KIF1B: variants seen among roughly 807,000 people sequenced by gnomAD.
KIF1B encodes the protein kinesin family member 1B, also known as kinesin-like protein KIF1B.
A neutral mutation model predicts 241.9 loss-of-function variants in KIF1B; 76 were observed. The ratio of observed to expected loss-of-function variants is 0.31; its 90% CI spans 0.26 to 0.38. The LOEUF (loss-of-function observed/expected upper bound fraction) is 0.38, where lower values mean the gene tolerates loss of function less well. KIF1B is among the 10% of genes least tolerant of loss of function. KIF1B has a pLI of 1.00. For missense variants in KIF1B, 1,622 were observed against 2,271.4 expected (o/e 0.71, Z 5.81); for synonymous variants, 750 against 796.7 (o/e 0.94, Z 0.99).
intron 1 of KIF1B, among the ~76,000 whole-genome samples, chr1:10,226,572 A>G (rs1161086176): frequency 6.6e-6 from 1 of 152,200 alleles, no homozygotes; most frequent in African/African-American, 2.4e-5. Flanking sequence ...AACAGTATTC[A>G]ACAACTATCA....
At position 10,376,874 on chromosome 1, in the gene KIF1B, GACAAAAAC is replaced by G. The variant is rs1234497208; in HGVS notation, c.*296_*303del. The G allele has an allele frequency of 2.4e-5, 10 of 420,170 alleles. No homozygotes were observed. In the East Asian group the frequency reaches 4.0e-4, roughly 17 times the overall value. 26.0% of individuals were successfully genotyped at this position (420,170 alleles called of 1,614,324 possible). A position where few individuals can be genotyped will look rare whatever the true frequency, so the allele number is the denominator to read the frequency against. ...ACACACACACACACACACATACACA[GACAAAAAC>G]ACAAAAACTCTGAGGGGATCTGGTG... is the stretch of plus-strand genomic sequence containing the variant. On this transcript the variant is annotated 3_prime_UTR_variant, in exon 49 of 49. Transcript: ENST00000676179.
At chr1:10,341,805 C>T (rs1346678876) in intron 32 of KIF1B, among the ~76,000 whole-genome samples, 1 of 151,964 alleles carries the variant, frequency 6.6e-6, no homozygotes. Flanking sequence ...ACTGTCTCTA[C>T]AAAAAATTGT....
intron 2 of KIF1B, among the ~76,000 whole-genome samples, chr1:10,247,329 A>G (rs1017605398): frequency 1.3e-5 from 2 of 152,216 alleles, no homozygotes; most frequent in African/African-American, 2.4e-5. Context: ...TCCTGCTCAG[A>G]TATCTCCTCA....
chr1:10,360,993 G>A lies in KIF1B; in HGVS notation c.4120G>A (p.Val1374Met). ...GCATAACTCCCTTCTTCTGAACCGA[G>A]TGACACCCTATGGAGAAAAGATCTA... is the stretch of plus-strand genomic sequence containing the variant. Reference protein sequence around the residue: ...SLHNSLLLNRVTPYGEKIYMT... With the variant: ...SLHNSLLLNRMTPYGEKIYMT... The change falls in exon 39 of 49, where the codon GTG becomes ATG. Residue 1374 changes from valine (V) to methionine (M), a missense_variant. Physicochemically the swap from Val to Met is conservative, Grantham distance 21. This residue lies in a region of KIF1B where 803 missense variants were observed against 1,112.0 expected (regional missense o/e 0.72). Coordinates refer to ENST00000676179, the MANE Select transcript of KIF1B (RefSeq NM_001365951.3). 1 of 1,614,042 alleles carries A rather than the reference G, an allele frequency of 6.2e-7. No homozygotes were observed. Among genetic ancestry groups the A allele is most frequent in the Non-Finnish European group, 8.5e-7 (1 of 1,179,984 alleles).
chr1:10,289,806 C>T (rs932421183), intron 15 of KIF1B, among the ~76,000 whole-genome samples: 1 of 152,132 alleles, frequency 6.6e-6, no homozygotes, highest in Non-Finnish European at 1.5e-5. Context: ...ATCGCTTGAA[C>T]CTGGGAGGTG....
chr1:10,341,976 T>TA (rs1448412870), intron 32 of KIF1B, 74 bp from the exon 33 acceptor site: 4 of 876,330 alleles, frequency 4.6e-6, no homozygotes, highest in Admixed American at 4.1e-5. Context: ...AAACCCAAAA[T>TA]ACGTACTAAA....
chr1:10,253,358 A>G (rs950453373), intron 2 of KIF1B, among the ~76,000 whole-genome samples: 1 of 152,058 alleles, frequency 6.6e-6, no homozygotes, highest in South Asian at 2.1e-4. Context: ...ATAGGTTAGT[A>G]GGTCTGGTGT....
intron 41 of KIF1B, among the ~76,000 whole-genome samples, chr1:10,363,631 T>A (rs1638486204): frequency 6.6e-6 from 1 of 152,082 alleles, no homozygotes; most frequent in Admixed American, 6.6e-5. Context: ...AGGCAGAGGT[T>A]ACAGTGAGCC....
intron 22 of KIF1B, among the ~76,000 whole-genome samples, chr1:10,312,020 C>T (rs1401205258): frequency 6.6e-6 from 1 of 151,366 alleles, no homozygotes; most frequent in Non-Finnish European, 1.5e-5. Context: ...GAGCCAGTCC[C>T]AGGGAGTCAT....
intron 4 of KIF1B, among the ~76,000 whole-genome samples, chr1:10,260,945 A>G (rs1030409697): frequency 5.4e-5 from 8 of 148,936 alleles, no homozygotes; most frequent in African/African-American, 1.7e-4. Context: ...TCTTTATTCT[A>G]TAAGCTTTTT....
At chr1:10,211,394 G>C (rs1298429400) in intron 1 of KIF1B, among the ~76,000 whole-genome samples, 1 of 152,242 alleles carries the variant, frequency 6.6e-6, no homozygotes, top group African/African-American at 2.4e-5. Flanking sequence ...TGGAAAGAGG[G>C]GTGCGATAGG....
At chr1:10,237,694 T>C (rs2102141184) in intron 2 of KIF1B, among the ~76,000 whole-genome samples, 1 of 152,258 alleles carries the variant, frequency 6.6e-6, no homozygotes, top group South Asian at 2.1e-4. Context: ...ATACAAATAA[T>C]GATTTCATGT....
chr1:10,330,180 A>G (rs1275211873), intron 27 of KIF1B, among the ~76,000 whole-genome samples: 1 of 152,242 alleles, frequency 6.6e-6, no homozygotes. Flanking sequence ...CAGAGTAATT[A>G]TGAAAATTCT....
chr1:10,372,610 G>A (rs542339117), intron 45 of KIF1B, among the ~76,000 whole-genome samples: 11 of 144,082 alleles, frequency 7.6e-5, no homozygotes, highest in Non-Finnish European at 1.5e-4. Context: ...CCTGGGAGGC[G>A]GAGGTTGCAG....
intron 22 of KIF1B, chr1:10,306,630 A>G: frequency 1.8e-6 from 1 of 552,434 alleles, no homozygotes; most frequent in South Asian, 8.4e-5. Flanking sequence ...AACTTGCATC[A>G]GGACGGGTGA....
intron 4 of KIF1B, among the ~76,000 whole-genome samples, chr1:10,260,789 C>T (rs1648090200): frequency 6.6e-6 from 1 of 151,490 alleles, no homozygotes; most frequent in Non-Finnish European, 1.5e-5. Flanking sequence ...ATTGCTTGAA[C>T]CCAGGAGACG....
intron 17 of KIF1B, among the ~76,000 whole-genome samples, chr1:10,293,393 A>ATTT (rs34521613): frequency 7.8e-6 from 1 of 128,640 alleles, no homozygotes; most frequent in African/African-American, 3.2e-5. Flanking sequence ...CTGTGAGGAA[A>ATTT]TTTTTTTTTT....
chr1:10,252,457 A>G (rs1468312161), intron 2 of KIF1B, among the ~76,000 whole-genome samples: 2 of 151,512 alleles, frequency 1.3e-5, no homozygotes, highest in Non-Finnish European at 2.9e-5. Flanking sequence ...GTCATCCAGG[A>G]TGGAGTGCAG....
chr1:10,221,407 A>G (rs773879197), intron 1 of KIF1B, among the ~76,000 whole-genome samples: 6 of 152,074 alleles, frequency 3.9e-5, no homozygotes, highest in Non-Finnish European at 8.8e-5. Flanking sequence ...CTCCTTTTCT[A>G]ATATATGATT....
Sources: gnomAD v4.1 joint callset for allele counts (sites outside exome capture counted in the v4.1 genomes callset) on GRCh38, gnomAD v4.1.1 for gene constraint, gnomAD v4.1.1 regional missense constraint, MANE v1.5 for transcripts, NCBI Gene and HGNC (gene_info 2026-07-23, HGNC 2026-07-21) for gene names.